The following PAPSS2 variants were observed in gnomAD, a reference collection of about 807,000 sequenced individuals.
PAPSS2 encodes bifunctional 3'-phosphoadenosine 5'-phosphosulfate synthase 2.
A neutral mutation model predicts 66.5 loss-of-function variants in PAPSS2; 61 were observed. That is an observed-to-expected ratio of 0.92 (90% CI 0.75 to 1.14). The LOEUF (loss-of-function observed/expected upper bound fraction) is 1.14, where lower values mean the gene tolerates loss of function less well. Ranked by LOEUF, PAPSS2 falls within the 50% of genes most tolerant of loss-of-function variation. The pLI is 0.00. For missense variants in PAPSS2, 708 were observed against 789.6 expected (o/e 0.90, Z 1.24); for synonymous variants, 289 against 287.5 (o/e 1.01, Z -0.05).
chr10:87,741,651 T>C lies in PAPSS2; in HGVS notation c.1222+281T>C, dbSNP rs146855763. Among the ~76,000 whole-genome samples, 6,471 of 152,274 alleles carry C rather than the reference T, an allele frequency of 0.042. 227 individuals carry two copies. Among genetic ancestry groups the C allele is most frequent in the Non-Finnish European group, 0.071 (4,827 of 67,994 alleles). On this transcript the variant is annotated intron_variant, in intron 10 of 12. Transcript: ENST00000456849. ...CTCAGGTGATCCCCCTACCTTGGCCTCCCAAAGTGCTGGGATTACAGATGT... is the reference window on the plus strand; with the variant it reads ...CTCAGGTGATCCCCCTACCTTGGCCCCCCAAAGTGCTGGGATTACAGATGT...
chr10:87,693,285 C>G (rs1392603337), intron 1 of PAPSS2, among the ~76,000 whole-genome samples: 2 of 152,196 alleles, frequency 1.3e-5, no homozygotes, highest in Non-Finnish European at 2.9e-5. Context: ...TACCTGAGAG[C>G]ATGATGAGTT....
intron 1 of PAPSS2, among the ~76,000 whole-genome samples, chr10:87,706,108 A>ATATATATATATATATATGTGTGTGTG: frequency 1.2e-4 from 6 of 52,010 alleles, no homozygotes; most frequent in African/African-American, 5.0e-4. Flanking sequence ...ATATATATAT[A>ATATATATATATATATATGTGTGTGTG]TGTGTGTGTG....
At chr10:87,670,448 T>C (rs887865508) in intron 1 of PAPSS2, among the ~76,000 whole-genome samples, 7 of 152,162 alleles carry the variant, frequency 4.6e-5, no homozygotes, top group African/African-American at 1.4e-4. Flanking sequence ...TTAGGGAGCG[T>C]TGTCTCCTTC....
chr10:87,734,661 GTGTATATATATATATATATA>G (rs1332985986), intron 9 of PAPSS2, among the ~76,000 whole-genome samples: 7 of 90,378 alleles, frequency 7.7e-5, no homozygotes, highest in East Asian at 7.6e-4. Context: ...ATGAATGTGT[GTGTATATATATATATATATA>G]TATATATATA....
Position 87,706,104 on chromosome 10 carries a change from A to G in PAPSS2, c.28-3092A>G, listed in dbSNP as rs1386550383. Among the ~76,000 whole-genome samples the G allele has an allele frequency of 9.1e-3, 713 of 78,052 alleles. 28 individuals are homozygous for G. The highest frequency in any genetic ancestry group is 0.054 in the African/African-American group (635 of 11,700). The allele number at this position is 78,052 out of a possible 152,430, so 51.2% of individuals were successfully genotyped here. ...ACATGGTATATATATATATATATAT[A>G]TATATGTGTGTGTGTGTGTGTGTGT... is the stretch of plus-strand genomic sequence containing the variant. On this transcript the variant is annotated intron_variant, in intron 1 of 12. Transcript: ENST00000456849.
At chr10:87,705,507 A>G (rs1054424690) in intron 1 of PAPSS2, among the ~76,000 whole-genome samples, 1 of 152,144 alleles carries the variant, frequency 6.6e-6, no homozygotes, top group African/African-American at 2.4e-5. Context: ...TTTTTTTCCC[A>G]GGATGATTGC....
chr10:87,691,839 A>G (rs1257777499), intron 1 of PAPSS2, among the ~76,000 whole-genome samples: 1 of 152,114 alleles, frequency 6.6e-6, no homozygotes, highest in African/African-American at 2.4e-5. Context: ...ACCTGTAGTC[A>G]CAGCTACTTG....
At chr10:87,720,311 C>T (rs113463084) in intron 7 of PAPSS2, among the ~76,000 whole-genome samples, 2 of 152,314 alleles carry the variant, frequency 1.3e-5, no homozygotes, top group African/African-American at 4.8e-5. Flanking sequence ...CTCCCTTTCA[C>T]CTGGAGAGCA....
At chr10:87,703,915 A>AT in intron 1 of PAPSS2, 1 of 499,802 alleles carries the variant, frequency 2.0e-6, no homozygotes, top group Non-Finnish European at 4.0e-6. Context: ...CAAGACAGAC[A>AT]TTTTTTCCTT....
At chr10:87,683,905 A>G (rs1205370285) in intron 1 of PAPSS2, among the ~76,000 whole-genome samples, 1 of 151,952 alleles carries the variant, frequency 6.6e-6, no homozygotes, top group Admixed American at 6.5e-5. Flanking sequence ...ATGTTGCCCA[A>G]GCTGGTCTTG....
intron 1 of PAPSS2, among the ~76,000 whole-genome samples, chr10:87,706,096 A>ATATATATATATATATATATATATATG (rs1853381754): frequency 2.2e-4 from 19 of 86,836 alleles, no homozygotes; most frequent in Non-Finnish European, 3.1e-4. Context: ...ATATATATAT[A>ATATATATATATATATATATATATATG]TATATATATA....
At chr10:87,722,124 T>G (rs1853605350) in intron 8 of PAPSS2, among the ~76,000 whole-genome samples, 1 of 152,228 alleles carries the variant, frequency 6.6e-6, no homozygotes, top group Admixed American at 6.5e-5. Context: ...GCTGGAAATT[T>G]TTTTTCCTAC....
intron 3 of PAPSS2, 69 bp from the exon 4 acceptor site, chr10:87,713,975 A>C: frequency 6.5e-7 from 1 of 1,547,876 alleles, no homozygotes; most frequent in South Asian, 1.1e-5. Context: ...ACCAAAGTAC[A>C]CAGTGTTTTG....
intron 1 of PAPSS2, among the ~76,000 whole-genome samples, chr10:87,667,530 G>A (rs569576160): frequency 6.6e-6 from 1 of 152,266 alleles, no homozygotes; most frequent in Admixed American, 6.5e-5. Flanking sequence ...AAGAGCCACT[G>A]TATTAAAACT....
chr10:87,659,881 C>CGCTGCT lies in PAPSS2; in HGVS notation c.-80_-75dup, dbSNP rs3217087. 3.6e-3 allele frequency: 3,774 copies of CGCTGCT among 1,037,444 alleles called. 36 individuals are homozygous for CGCTGCT. Among genetic ancestry groups the CGCTGCT allele is most frequent in the African/African-American group, 0.032 (2,046 of 62,960 alleles). The allele number at this position is 1,037,444 out of a possible 1,614,324, so 64.3% of individuals were successfully genotyped here. A position where few individuals can be genotyped will look rare whatever the true frequency, so the allele number is the denominator to read the frequency against. Reference sequence around the variant, plus strand: ...ACCTCCTTCCCGGGAGTCCGGCAGCCGCTGCTGCTGCTGCTGCTGCTGCTG... The same window carrying CGCTGCT: ...ACCTCCTTCCCGGGAGTCCGGCAGCCGCTGCTGCTGCTGCTGCTGCTGCTGCTGCTG... On this transcript the variant is annotated 5_prime_UTR_variant, in exon 1 of 13. Transcript: ENST00000456849.
chr10:87,687,819 A>T (rs1253459804), intron 1 of PAPSS2, among the ~76,000 whole-genome samples: 1 of 148,636 alleles, frequency 6.7e-6, no homozygotes, highest in East Asian at 2.0e-4. Flanking sequence ...TTAAAAATTT[A>T]AAAAACTCTT....
Position 87,727,369 on chromosome 10 carries a change from C to T in PAPSS2, c.966C>T (p.Val322=). ...GGCTGGAAGGGTGCAGCAAGTTTGT[C>T]CTGGCACATGGTGGACGGAGGGTAG... ...KTRLEGCSKF[V]LAHGGRRVAI... Residue 322 remains valine, a synonymous_variant, in exon 9 of 13, where the codon GTC becomes GTT. Transcript: ENST00000456849. The T allele has an allele frequency of 6.2e-7, 1 of 1,613,998 alleles. No homozygotes were observed. Among genetic ancestry groups the T allele is most frequent in the Non-Finnish European group, 8.5e-7 (1 of 1,179,962 alleles).
chr10:87,728,224 T>C (rs1236402982), intron 9 of PAPSS2, among the ~76,000 whole-genome samples: 3 of 151,968 alleles, frequency 2.0e-5, no homozygotes, highest in African/African-American at 7.3e-5. Context: ...CAAAGAAAAA[T>C]ACATGAAATT....
intron 9 of PAPSS2, among the ~76,000 whole-genome samples, chr10:87,739,058 T>C (rs1853834799): frequency 6.6e-6 from 1 of 152,236 alleles, no homozygotes; most frequent in African/African-American, 2.4e-5. Context: ...ATGTTTTAGA[T>C]GTCATGTCTA....
Sources: allele counts gnomAD v4.1 joint callset (sites outside exome capture counted in the v4.1 genomes callset), GRCh38; gene constraint gnomAD v4.1.1; transcripts MANE v1.5; gene names NCBI Gene and HGNC (gene_info 2026-07-23, HGNC 2026-07-21).